Variants in PNPT1 observed in about 807,000 individuals in gnomAD.
PNPT1 encodes polyribonucleotide nucleotidyltransferase 1, mitochondrial.
Under a neutral mutation model 119.5 loss-of-function variants are expected in PNPT1, and 53 were observed. The observed-to-expected ratio is 0.44, with a 90% CI of 0.36 to 0.56. PNPT1 has a LOEUF of 0.56. Among genes scored for constraint, PNPT1 ranks in the 20% least tolerant of loss-of-function variants. The pLI, the probability that PNPT1 is intolerant of heterozygous loss-of-function variation, is 0.00. For synonymous variants in PNPT1, 357 were observed against 322.1 expected, an observed-to-expected ratio of 1.11 and a Z score of -1.16; for missense variants, 948 against 938.5, an observed-to-expected ratio of 1.01 and a Z score of -0.13.
chr2:55,672,856 G>C lies in PNPT1; in HGVS notation c.866+37C>G, dbSNP rs372828884. On this transcript the variant is annotated intron_variant, in intron 9 of 27. Transcript: ENST00000447944. ...CTCCCACGAGGAAATTAAATCTGAT[G>C]ACAATTTCATATTTTCATTTGCACA... 373 of 1,532,652 alleles carry C rather than the reference G, an allele frequency of 2.4e-4. No homozygotes were observed. The African/African-American group carries it at 5.0e-3, about 20-fold the overall frequency. The allele number at this position is 1,532,652 out of a possible 1,614,324, so 94.9% of individuals were successfully genotyped here.
At chr2:55,690,124 G>A (rs1697544560) in intron 1 of PNPT1, among the ~76,000 whole-genome samples, 1 of 152,120 alleles carries the variant, frequency 6.6e-6, no homozygotes, top group Admixed American at 6.6e-5. Context: ...TCCCAGACGA[G>A]TTGTACACTT....
intron 8 of PNPT1, among the ~76,000 whole-genome samples, chr2:55,673,915 G>A (rs1696988615): frequency 6.6e-6 from 1 of 151,540 alleles, no homozygotes; most frequent in South Asian, 2.1e-4. Context: ...TAGGGACGGG[G>A]TTTTGCCATG....
At chr2:55,660,009 C>T (rs921446286) in intron 15 of PNPT1, 148 bp downstream of exon 15, 3 of 646,120 alleles carry the variant, frequency 4.6e-6, no homozygotes, top group Admixed American at 4.0e-5. Context: ...GAGGCTGAGG[C>T]GGGAGGATGT....
At chr2:55,681,368 T>C (rs185839526) in intron 5 of PNPT1, among the ~76,000 whole-genome samples, 7 of 152,106 alleles carry the variant, frequency 4.6e-5, no homozygotes, top group Non-Finnish European at 7.4e-5. Context: ...GATCACGCCA[T>C]TGCACTCCAG....
chr2:55,635,925 G>C lies in PNPT1; in HGVS notation c.*312C>G, dbSNP rs1412095760. ...GAAGAGATCTGTTATAATAACATAT[G>C]ACATATTCTATCTAAGTTTTTCATA... On this transcript the variant is annotated 3_prime_UTR_variant, in exon 28 of 28. Transcript: ENST00000447944. The C allele has an allele frequency of 6.7e-6, 1 of 149,728 alleles. No homozygotes were observed. The highest frequency in any genetic ancestry group is 1.4e-5 in the Non-Finnish European group (1 of 70,290). 9.3% of individuals were successfully genotyped at this position (149,728 alleles called of 1,614,324 possible).
At chr2:55,656,780 T>C (rs1282208536) in intron 15 of PNPT1, among the ~76,000 whole-genome samples, 1 of 152,224 alleles carries the variant, frequency 6.6e-6, no homozygotes, top group Non-Finnish European at 1.5e-5. Flanking sequence ...TAATTTACAC[T>C]GATACTTTTT....
chr2:55,650,912 C>A (rs554288799), intron 18 of PNPT1, among the ~76,000 whole-genome samples: 1 of 141,892 alleles, frequency 7.0e-6, no homozygotes. Context: ...GTCAGCCCCC[C>A]GCCCGGCCAG....
intron 1 of PNPT1, among the ~76,000 whole-genome samples, chr2:55,688,496 G>C (rs1697489109): frequency 6.6e-6 from 1 of 152,118 alleles, no homozygotes; most frequent in Non-Finnish European, 1.5e-5. Context: ...GGCTGAGGCA[G>C]GCCTGATCAC....
At chr2:55,661,801 C>T (rs1559098401) in intron 14 of PNPT1, among the ~76,000 whole-genome samples, 155 bp downstream of exon 14, 1 of 152,052 alleles carries the variant, frequency 6.6e-6, no homozygotes, top group East Asian at 1.9e-4. Context: ...AGCACACACA[C>T]AAAATCCTTT....
intron 8 of PNPT1, 83 bp downstream of exon 8, chr2:55,679,597 CAT>C (rs1697182490): frequency 1.0e-6 from 1 of 976,146 alleles, no homozygotes; most frequent in Non-Finnish European, 1.6e-6. Context: ...ACCGACAAAA[CAT>C]ACACACAGAG....
intron 18 of PNPT1, 74 bp from the exon 19 acceptor site, chr2:55,647,527 T>A: frequency 4.0e-6 from 5 of 1,234,842 alleles, no homozygotes; most frequent in Non-Finnish European, 4.5e-6. Context: ...TATCAATTTT[T>A]TTTTTTTTTT....
intron 13 of PNPT1, among the ~76,000 whole-genome samples, chr2:55,663,375 T>C (rs1239773281): frequency 6.6e-6 from 1 of 152,168 alleles, no homozygotes; most frequent in Non-Finnish European, 1.5e-5. Context: ...TGCAGTGACC[T>C]ATGGGACAGT....
In PNPT1 at chr2:55,685,141, A is replaced by G. The variant is rs991879282; in HGVS notation, c.298-93T>C. 10 of 837,198 alleles carry G rather than the reference A, an allele frequency of 1.2e-5. No homozygotes were observed. In the African/African-American group the frequency reaches 1.4e-4, roughly 11 times the overall value. 51.9% of individuals were successfully genotyped at this position (837,198 alleles called of 1,614,324 possible). ...TAATTCTCCTGAGGTTGCTAACAAC[A>G]CAGTCTAGACTCAGAGTAGAAAATG... On this transcript the variant is annotated intron_variant, in intron 3 of 27. Transcript: ENST00000447944.
At chr2:55,659,353 A>T (rs1173371528) in intron 15 of PNPT1, among the ~76,000 whole-genome samples, 1 of 152,234 alleles carries the variant, frequency 6.6e-6, no homozygotes, top group Non-Finnish European at 1.5e-5. Context: ...AAACTCAATT[A>T]TCTATAATCA....
chr2:55,636,537 C>G, intron 27 of PNPT1, 145 bp from the exon 28 acceptor site: 1 of 779,138 alleles, frequency 1.3e-6, no homozygotes, highest in South Asian at 1.9e-5. Context: ...GCTAAGTGGA[C>G]GTATACACTT....
intron 8 of PNPT1, among the ~76,000 whole-genome samples, chr2:55,676,396 G>C (rs1049643566): frequency 3.3e-5 from 5 of 151,816 alleles, no homozygotes; most frequent in African/African-American, 9.7e-5. Flanking sequence ...CATGTTACTG[G>C]TATACTTTTT....
intron 15 of PNPT1, among the ~76,000 whole-genome samples, chr2:55,657,036 C>G (rs1696408106): frequency 6.6e-6 from 1 of 152,180 alleles, no homozygotes; most frequent in African/African-American, 2.4e-5. Context: ...CCATAAAAAT[C>G]TGTAATTTCA....
intron 5 of PNPT1, 122 bp downstream of exon 5, chr2:55,683,663 A>G (rs1198692257): frequency 1.1e-6 from 1 of 893,096 alleles, no homozygotes; most frequent in Non-Finnish European, 1.7e-6. Flanking sequence ...GTAATGTAAA[A>G]TATAACAGTA....
chr2:55,684,348 G>C (rs952472004), intron 4 of PNPT1, among the ~76,000 whole-genome samples: 3 of 152,158 alleles, frequency 2.0e-5, no homozygotes, highest in Non-Finnish European at 2.9e-5. Flanking sequence ...AAATCAGCCA[G>C]GCATGGTGGT....
Sources: allele counts gnomAD v4.1 joint callset (sites outside exome capture counted in the v4.1 genomes callset), GRCh38; gene constraint gnomAD v4.1.1; transcripts MANE v1.5; gene names NCBI Gene and HGNC (gene_info 2026-07-23, HGNC 2026-07-21).